Variants in JUND observed in about 807,000 individuals in gnomAD.
JUND encodes transcription factor JunD.
Under a neutral mutation model 7.1 loss-of-function variants are expected in JUND, and 2 were observed. The observed-to-expected ratio is 0.28, with a 90% CI of 0.11 to 0.88. The LOEUF (loss-of-function observed/expected upper bound fraction) is 0.88. JUND is among the 40% of genes least tolerant of loss of function. The probability of loss-of-function intolerance (pLI) is 0.60; values close to 1 mark genes in which losing one functional copy is unlikely to be tolerated. For missense variants in JUND, 479 were observed against 519.1 expected (o/e 0.92, Z 0.75); for synonymous variants, 335 against 263.2 (o/e 1.27, Z -2.64).
At position 18,281,520 on chromosome 19, in the gene JUND, G is replaced by T; in HGVS notation, c.-36C>A. On this transcript the variant is annotated 5_prime_UTR_variant, in exon 1 of 1. Transcript: ENST00000252818. ...CCCCGCCGCGCCGGCCCGGGGGGGA[G>T]TGGCCGCGGCCTCCCGGGGGGCCCG... The T allele has an allele frequency of 8.5e-7, 1 of 1,177,784 alleles. No homozygotes were observed. The allele number at this position is 1,177,784 out of a possible 1,614,324, so 73.0% of individuals were successfully genotyped here. A position where few individuals can be genotyped will look rare whatever the true frequency, so the allele number is the denominator to read the frequency against.
chr19:18,281,403 G>A lies in JUND; in HGVS notation c.82C>T (p.Pro28Ser). Residue 28 changes from proline to serine, a missense_variant, in exon 1 of 1, where the codon CCG becomes TCG. Physicochemically the swap from Pro to Ser is moderately conservative, Grantham distance 74. This residue lies in a region of JUND where 374 missense variants were observed against 365.4 expected (regional missense o/e 1.02). Coordinates refer to ENST00000252818, the MANE Select transcript of JUND (RefSeq NM_005354.6). ...ASGSGGSFAS[P>S]GRLFPGAPPT... ...GGCGCCCCGGGGAACAAGCGGCCCG[G>A]GGACGCGAAGCTGCCGCCGCTGCCA... is the stretch of plus-strand genomic sequence containing the variant. The A allele has an allele frequency of 7.4e-7, 1 of 1,350,872 alleles. No homozygotes were observed. The highest frequency in any genetic ancestry group is 9.4e-7 in the Non-Finnish European group (1 of 1,059,540). The allele number at this position is 1,350,872 out of a possible 1,614,324, so 83.7% of individuals were successfully genotyped here.
In JUND at chr19:18,281,396, C is replaced by T. The variant is rs1458569212; in HGVS notation, c.89G>A (p.Arg30His). 3 of 1,347,760 alleles carry T rather than the reference C, an allele frequency of 2.2e-6. No homozygotes were observed. The highest frequency in any genetic ancestry group is 1.9e-6 in the Non-Finnish European group (2 of 1,059,330). 83.5% of individuals were successfully genotyped at this position (1,347,760 alleles called of 1,614,324 possible). A position where few individuals can be genotyped will look rare whatever the true frequency, so the allele number is the denominator to read the frequency against. Residue 30 changes from arginine to histidine, a missense_variant, in exon 1 of 1, where the codon CGC (arginine) becomes CAC (histidine). Around this residue, in one of 3 missense-constraint regions of JUND, gnomAD observed 374 missense variants for 365.4 expected, o/e 1.02. Coordinates refer to ENST00000252818, the MANE Select transcript of JUND (RefSeq NM_005354.6). ...GSGGSFASPGRLFPGAPPTAA... is the reference protein window; with the variant it reads ...GSGGSFASPGHLFPGAPPTAA... Reference sequence around the variant, plus strand: ...CGTCGGGGGCGCCCCGGGGAACAAGCGGCCCGGGGACGCGAAGCTGCCGCC... The same window carrying T: ...CGTCGGGGGCGCCCCGGGGAACAAGTGGCCCGGGGACGCGAAGCTGCCGCC...
rs1215065427 is a variant in JUND, at chr19:18,280,876, G to A, written c.609C>T (p.Gly203=). The change falls in exon 1 of 1, where the codon GGC becomes GGT. Residue 203 remains glycine, a synonymous_variant. Coordinates refer to ENST00000252818, the MANE Select transcript of JUND (RefSeq NM_005354.6). This position sits in a 1 kb window ranked among gnomAD's most constrained non-coding sequence, Gnocchi z 4.1. ...TCGCGGCGCCCCCCGCGCCCCCGGC[G>A]CCGCCCGCGTAGCTGCTCAGGTTCG... ...VYANLSSYAG[G]AGGAGGAATV... is the part of the protein sequence containing the mutation. 18 of 1,294,754 alleles carry A rather than the reference G, an allele frequency of 1.4e-5. No homozygotes were observed. In the East Asian group the frequency reaches 4.0e-4, roughly 28 times the overall value. 80.2% of individuals were successfully genotyped at this position (1,294,754 alleles called of 1,614,324 possible). A position where few individuals can be genotyped will look rare whatever the true frequency, so the allele number is the denominator to read the frequency against.
Position 18,281,467 on chromosome 19 carries a change from G to A in JUND, c.18C>T (p.Tyr6=), listed in dbSNP as rs1210816996. 2 of 1,345,880 alleles carry A rather than the reference G, an allele frequency of 1.5e-6. No individual in the cohort carries two copies. Among genetic ancestry groups the A allele is most frequent in the East Asian group, 3.2e-5 (1 of 31,212 alleles). 83.4% of individuals were successfully genotyped at this position (1,345,880 alleles called of 1,614,324 possible). Residue 6 remains tyrosine (Y), a synonymous_variant, in exon 1 of 1, where the codon TAC becomes TAT. Transcript: ENST00000252818. The part of the protein sequence containing the change: METPF[Y]GDEALSGLGG... ...CCAGGCCGCTCAGCGCCTCATCGCC[G>A]TAGAAGGGTGTTTCCATCCTCCGCC...
In JUND at chr19:18,280,688, T is replaced by G; in HGVS notation, c.797A>C (p.Gln266Pro). 1 of 1,612,398 alleles carries G rather than the reference T, an allele frequency of 6.2e-7. No individual in the cohort carries two copies. Among genetic ancestry groups the G allele is most frequent in the Non-Finnish European group, 8.5e-7 (1 of 1,179,736 alleles). The change falls in exon 1 of 1, where the codon CAG becomes CCG. Residue 266 changes from glutamine (Q) to proline (P), a missense_variant. Transcript: ENST00000252818. The surrounding 1 kb of genome is among the most constrained non-coding windows in gnomAD (Gnocchi z 4.1). ...PPLSPIDMDTQERIKAERKRL... is the reference protein window; with the variant it reads ...PPLSPIDMDTPERIKAERKRL... ...CTTGCGCTCCGCCTTGATGCGCTCC[T>G]GCGTGTCCATGTCGATGGGCGACAA...
rs755682513 is a variant in JUND at position 18,280,541 on chromosome 19, C to G, written c.944G>C (p.Ser315Thr). The G allele has an allele frequency of 5.0e-6, 8 of 1,612,034 alleles. No homozygotes were observed. The highest frequency in any genetic ancestry group is 5.1e-6 in the Non-Finnish European group (6 of 1,179,528). ...SQNTELASTASLLREQVAQLK... is the reference protein window; with the variant it reads ...SQNTELASTATLLREQVAQLK... Reference sequence around the variant, plus strand: ...CTGCGCCACCTGCTCGCGCAGCAGGCTCGCCGTGGACGCCAGCTCCGTGTT... The same window carrying G: ...CTGCGCCACCTGCTCGCGCAGCAGGGTCGCCGTGGACGCCAGCTCCGTGTT... Residue 315 changes from serine (S) to threonine (T), a missense_variant, in exon 1 of 1, where the codon AGC (serine) becomes ACC (threonine). By Grantham distance (58) the Ser-to-Thr change is moderately conservative. Around this residue, in one of 3 missense-constraint regions of JUND, gnomAD observed 63 missense variants for 116.6 expected, o/e 0.54. Transcript: ENST00000252818. The surrounding 1 kb of genome is among the most constrained non-coding windows in gnomAD (Gnocchi z 4.1).
Position 18,280,773 on chromosome 19 carries a change from C to T in JUND, c.712G>A (p.Ala238Thr). The change falls in exon 1 of 1, where the codon GCG becomes ACG. Residue 238 changes from alanine to threonine, a missense_variant. This residue lies in a region of JUND where 374 missense variants were observed against 365.4 expected (regional missense o/e 1.02). Coordinates refer to ENST00000252818, the MANE Select transcript of JUND (RefSeq NM_005354.6). The surrounding 1 kb of genome is among the most constrained non-coding windows in gnomAD (Gnocchi z 4.1). ...PGALGPPRLAALKDEPQTVPD... is the reference protein window; with the variant it reads ...PGALGPPRLATLKDEPQTVPD... ...ACCGTCTGTGGCTCGTCCTTGAGCG[C>T]AGCCAGGCGCGGCGGCCCCAACGCG... 1.9e-6 allele frequency: 3 copies of T among 1,594,200 alleles called. No homozygotes were observed. Among genetic ancestry groups the T allele is most frequent in the Non-Finnish European group, 2.6e-6 (3 of 1,176,236 alleles).
chr19:18,281,368 G>A lies in JUND; in HGVS notation c.117C>T (p.Ala39=), dbSNP rs931018879. 33 of 1,343,174 alleles carry A rather than the reference G, an allele frequency of 2.5e-5. No homozygotes were observed. Among genetic ancestry groups the A allele is most frequent in the Non-Finnish European group, 3.1e-5 (33 of 1,056,766 alleles). 83.2% of individuals were successfully genotyped at this position (1,343,174 alleles called of 1,614,324 possible). A position where few individuals can be genotyped will look rare whatever the true frequency, so the allele number is the denominator to read the frequency against. ...GRLFPGAPPT[A]AAGSMMKKDA... is the part of the protein sequence containing the mutation. ...CCTTCTTCATCATGCTGCCGGCCGC[G>A]GCCGTCGGGGGCGCCCCGGGGAACA... The change falls in exon 1 of 1, where the codon GCC becomes GCT. Residue 39 remains alanine (A), a synonymous_variant. Transcript: ENST00000252818.
In JUND at chr19:18,280,426, G is replaced by A. The variant is rs1180542852; in HGVS notation, c.*15C>T. The stretch of plus-strand genomic sequence containing the variant: ...CCTTGGGGAGGGTGGCCGCGCATGC[G>A]CCCCGCGCGCGGACTCAGTACGCGG... On this transcript the variant is annotated 3_prime_UTR_variant, in exon 1 of 1. Transcript: ENST00000252818. This position sits in a 1 kb window ranked among gnomAD's most constrained non-coding sequence, Gnocchi z 4.1. 1.9e-6 allele frequency: 3 copies of A among 1,543,978 alleles called. No individual in the cohort carries two copies. The highest frequency in any genetic ancestry group is 2.4e-5 in the East Asian group (1 of 40,820).
chr19:18,280,450 G>T lies in JUND; in HGVS notation c.1035C>A (p.Pro345=). 1.9e-6 allele frequency: 3 copies of T among 1,556,900 alleles called. No homozygotes were observed. The highest frequency in any genetic ancestry group is 1.7e-6 in the Non-Finnish European group (2 of 1,151,382). ...CGCCCCGCGCGCGGACTCAGTACGC[G>T]GGCACCTGGTGCTGGGGCAGCAGCT... ...GCQLLPQHQV[P]AY Residue 345 remains proline, a synonymous_variant, in exon 1 of 1, where the codon CCC becomes CCA. Coordinates refer to ENST00000252818, the MANE Select transcript of JUND (RefSeq NM_005354.6). This position sits in a 1 kb window ranked among gnomAD's most constrained non-coding sequence, Gnocchi z 4.1.
chr19:18,280,513 G>C lies in JUND; in HGVS notation c.972C>G (p.Leu324=), dbSNP rs1323066696. 6 of 1,606,416 alleles carry C rather than the reference G, an allele frequency of 3.7e-6. No individual in the cohort carries two copies. Among genetic ancestry groups the C allele is most frequent in the East Asian group, 2.2e-5 (1 of 44,530 alleles). The change falls in exon 1 of 1, where the codon CTC becomes CTG. Residue 324 remains leucine (L), a synonymous_variant. Transcript: ENST00000252818. This position sits in a 1 kb window ranked among gnomAD's most constrained non-coding sequence, Gnocchi z 4.1. ...ASLLREQVAQ[L]KQKVLSHVNS... is the part of the protein sequence containing the mutation. Reference sequence around the variant, plus strand: ...TGACGTGGCTGAGGACTTTCTGCTTGAGCTGCGCCACCTGCTCGCGCAGCA... The same window carrying C: ...TGACGTGGCTGAGGACTTTCTGCTTCAGCTGCGCCACCTGCTCGCGCAGCA...
Position 18,280,911 on chromosome 19 carries a change from G to A in JUND, c.574C>T (p.Pro192Ser). The change falls in exon 1 of 1, where the codon CCT becomes TCT. Residue 192 changes from proline (P) to serine (S), a missense_variant. Physicochemically the swap from Pro to Ser is moderately conservative, Grantham distance 74. This residue lies in a region of JUND where 374 missense variants were observed against 365.4 expected (regional missense o/e 1.02). Transcript: ENST00000252818. This position sits in a 1 kb window ranked among gnomAD's most constrained non-coding sequence, Gnocchi z 4.1. Reference sequence around the variant, plus strand: ...TAGCTGCTCAGGTTCGCGTAGACAGGCGCTTCGGGCGCGGCCGCCGCCGGG... The same window carrying A: ...TAGCTGCTCAGGTTCGCGTAGACAGACGCTTCGGGCGCGGCCGCCGCCGGG... ...LAPAAAAPEA[P>S]VYANLSSYAG... 1 of 1,180,514 alleles carries A rather than the reference G, an allele frequency of 8.5e-7. No homozygotes were observed. Among genetic ancestry groups the A allele is most frequent in the Non-Finnish European group, 1.0e-6 (1 of 956,742 alleles). The allele number at this position is 1,180,514 out of a possible 1,614,324, so 73.1% of individuals were successfully genotyped here.
rs1261454563 is a variant in JUND at position 18,280,338 on chromosome 19, G to C, written c.*103C>G. 2.3e-6 allele frequency: 3 copies of C among 1,284,850 alleles called. No individual in the cohort carries two copies. In the African/African-American group the frequency reaches 4.6e-5, roughly 20 times the overall value. The allele number at this position is 1,284,850 out of a possible 1,614,324, so 79.6% of individuals were successfully genotyped here. ...TTCCTGGGCACACTCGGGGAGGGGG[G>C]GTCCCCAGGGCCGCACCCTCTCCAA... On this transcript the variant is annotated 3_prime_UTR_variant, in exon 1 of 1. Transcript: ENST00000252818. The surrounding 1 kb of genome is among the most constrained non-coding windows in gnomAD (Gnocchi z 4.1).
In JUND at chr19:18,280,435, G is replaced by T; in HGVS notation, c.*6C>A. On this transcript the variant is annotated 3_prime_UTR_variant, in exon 1 of 1. Coordinates refer to ENST00000252818, the MANE Select transcript of JUND (RefSeq NM_005354.6). The surrounding 1 kb of genome is among the most constrained non-coding windows in gnomAD (Gnocchi z 4.1). ...GGGTGGCCGCGCATGCGCCCCGCGC[G>T]CGGACTCAGTACGCGGGCACCTGGT... 1 of 1,548,290 alleles carries T rather than the reference G, an allele frequency of 6.5e-7. No homozygotes were observed. The highest frequency in any genetic ancestry group is 8.7e-7 in the Non-Finnish European group (1 of 1,147,714).
Position 18,281,506 on chromosome 19 carries a change from C to T in JUND, c.-22G>A, listed in dbSNP as rs2148122935. On this transcript the variant is annotated 5_prime_UTR_variant, in exon 1 of 1. Transcript: ENST00000252818. ...CCATCCTCCGCCTCCCCCGCCGCGC[C>T]GGCCCGGGGGGGAGTGGCCGCGGCC... 6 of 1,249,876 alleles carry T rather than the reference C, an allele frequency of 4.8e-6. No individual in the cohort carries two copies. Among genetic ancestry groups the T allele is most frequent in the Non-Finnish European group, 6.0e-6 (6 of 997,550 alleles). 77.4% of individuals were successfully genotyped at this position (1,249,876 alleles called of 1,614,324 possible).
chr19:18,281,559 G>T lies in JUND; in HGVS notation c.-75C>A, dbSNP rs1456561131. 1 of 601,550 alleles carries T rather than the reference G, an allele frequency of 1.7e-6. No homozygotes were observed. Among genetic ancestry groups the T allele is most frequent in the Non-Finnish European group, 2.1e-6 (1 of 473,742 alleles). 37.3% of individuals were successfully genotyped at this position (601,550 alleles called of 1,614,324 possible). On this transcript the variant is annotated 5_prime_UTR_variant, in exon 1 of 1. Transcript: ENST00000252818. Reference sequence around the variant, plus strand: ...CCGGGGGGCCCGCGCCCCCCCGTCCGCTCGGCCCTGCGCCCGCCCCGGCCG... The same window carrying T: ...CCGGGGGGCCCGCGCCCCCCCGTCCTCTCGGCCCTGCGCCCGCCCCGGCCG...
chr19:18,281,275 A>T lies in JUND; in HGVS notation c.210T>A (p.Pro70=). The T allele has an allele frequency of 7.0e-7, 1 of 1,426,480 alleles. No homozygotes were observed. Among genetic ancestry groups the T allele is most frequent in the South Asian group, 1.4e-5 (1 of 70,724 alleles). 88.4% of individuals were successfully genotyped at this position (1,426,480 alleles called of 1,614,324 possible). The change falls in exon 1 of 1, where the codon CCT becomes CCA. Residue 70 remains proline (P), a synonymous_variant. Transcript: ENST00000252818. ...GGGCGCCGTCGGCGCGCAGGGGGGT[A>T]GGAGGCGGCGCGGCCGCAGGCTTGA... ...AALKPAAAPP[P]TPLRADGAPS...
Position 18,280,226 on chromosome 19 carries a change from C to CG in JUND, c.*214dup. On this transcript the variant is annotated 3_prime_UTR_variant, in exon 1 of 1. Coordinates refer to ENST00000252818, the MANE Select transcript of JUND (RefSeq NM_005354.6). This position sits in a 1 kb window ranked among gnomAD's most constrained non-coding sequence, Gnocchi z 4.1. ...CGCGAGGGCGGGGGGGTCATGCGCTCGCCCCCCCGGGAGCAGGGGGTCCAG... is the reference window on the plus strand; with the variant it reads ...CGCGAGGGCGGGGGGGTCATGCGCTCGGCCCCCCCGGGAGCAGGGGGTCCAG... 2 of 256,300 alleles carry CG rather than the reference C, an allele frequency of 7.8e-6. No individual in the cohort carries two copies. Among genetic ancestry groups the CG allele is most frequent in the South Asian group, 7.6e-5 (2 of 26,456 alleles). The allele number at this position is 256,300 out of a possible 1,614,324, so 15.9% of individuals were successfully genotyped here.
rs559499745 is a variant in JUND, at chr19:18,281,534, C to G, written c.-50G>C. The G allele has an allele frequency of 7.7e-4, 776 of 1,003,360 alleles. 7 individuals are homozygous for G. The African/African-American group carries it at 0.011, about 15-fold the overall frequency. 62.2% of individuals were successfully genotyped at this position (1,003,360 alleles called of 1,614,324 possible). A position where few individuals can be genotyped will look rare whatever the true frequency, so the allele number is the denominator to read the frequency against. ...CCCGGGGGGGAGTGGCCGCGGCCTC[C>G]CGGGGGGCCCGCGCCCCCCCGTCCG... On this transcript the variant is annotated 5_prime_UTR_variant, in exon 1 of 1. Coordinates refer to ENST00000252818, the MANE Select transcript of JUND (RefSeq NM_005354.6).
Sources: allele counts gnomAD v4.1 joint callset, GRCh38; gene constraint gnomAD v4.1.1; regional missense constraint gnomAD v4.1.1; non-coding constraint Gnocchi (gnomAD v3.1); transcripts MANE v1.5; gene names NCBI Gene and HGNC (gene_info 2026-07-23, HGNC 2026-07-21).